SUCLG2: variants seen among roughly 807,000 people sequenced by gnomAD.
SUCLG2 encodes succinate-CoA ligase GDP-forming subunit beta.
Under a neutral mutation model 47.9 loss-of-function variants are expected in SUCLG2, and 42 were observed. The ratio of observed to expected loss-of-function variants is 0.88; its 90% CI spans 0.69 to 1.14. SUCLG2 has a LOEUF of 1.14. Among genes scored for constraint, SUCLG2 ranks in the 50% most tolerant of loss-of-function variants. SUCLG2 has a pLI of 0.00. For missense variants in SUCLG2, 571 were observed against 525.9 expected (o/e 1.09, Z -0.84); for synonymous variants, 195 against 197.3 (o/e 0.99, Z 0.10).
At chr3:67,425,959 G>C (rs1703290815) in intron 9 of SUCLG2, among the ~76,000 whole-genome samples, 2 of 152,238 alleles carry the variant, frequency 1.3e-5, no homozygotes, top group Middle Eastern at 3.4e-3. Flanking sequence ...TGTACAGTTA[G>C]AGAGGAATTC....
At chr3:67,506,014 G>A (rs557653862) in intron 7 of SUCLG2, among the ~76,000 whole-genome samples, 1 of 151,938 alleles carries the variant, frequency 6.6e-6, no homozygotes, top group Non-Finnish European at 1.5e-5. Flanking sequence ...ACAAAAAAGA[G>A]CTGGTACAAT....
At chr3:67,499,520 A>T (rs1236969312) in intron 7 of SUCLG2, among the ~76,000 whole-genome samples, 2 of 152,168 alleles carry the variant, frequency 1.3e-5, no homozygotes, top group African/African-American at 4.8e-5. Flanking sequence ...TCCTGGACCC[A>T]GCAAAACTCA....
chr3:67,510,667 CTAAA>C (rs1339228917), intron 6 of SUCLG2, among the ~76,000 whole-genome samples: 5 of 152,144 alleles, frequency 3.3e-5, no homozygotes, highest in Admixed American at 1.3e-4. Context: ...TTTTAATTGA[CTAAA>C]TAATATCTTA....
intron 4 of SUCLG2, among the ~76,000 whole-genome samples, chr3:67,527,112 T>C (rs1706275619): frequency 6.6e-6 from 1 of 151,970 alleles, no homozygotes; most frequent in East Asian, 1.9e-4. Context: ...CAAAAGAAAA[T>C]GGAACTAAAT....
intron 2 of SUCLG2, among the ~76,000 whole-genome samples, chr3:67,562,899 G>C (rs1224635866): frequency 2.0e-5 from 3 of 151,828 alleles, no homozygotes; most frequent in African/African-American, 7.3e-5. Context: ...GTGTATGTAT[G>C]TACACATATA....
chr3:67,611,150 T>G (rs1700520371), intron 1 of SUCLG2, among the ~76,000 whole-genome samples: 1 of 152,210 alleles, frequency 6.6e-6, no homozygotes, highest in Admixed American at 6.5e-5. Context: ...CATAATATAA[T>G]GTATACATGC....
intron 2 of SUCLG2, among the ~76,000 whole-genome samples, chr3:67,575,091 T>C (rs1428106141): frequency 6.6e-6 from 1 of 152,208 alleles, no homozygotes; most frequent in African/African-American, 2.4e-5. Flanking sequence ...GAAACTTTCA[T>C]GCATTGATAA....
chr3:67,597,741 C>T (rs1708325574), intron 2 of SUCLG2, among the ~76,000 whole-genome samples: 1 of 152,016 alleles, frequency 6.6e-6, no homozygotes, highest in African/African-American at 2.4e-5. Context: ...AGTTCGAGAC[C>T]AGCCTGGCCA....
At chr3:67,450,506 C>G (rs1378074076) in intron 9 of SUCLG2, among the ~76,000 whole-genome samples, 1 of 152,130 alleles carries the variant, frequency 6.6e-6, no homozygotes, top group Non-Finnish European at 1.5e-5. Context: ...TTCCCCAATA[C>G]TGTATTGTGA....
rs145897441 is a variant in SUCLG2 at position 67,496,203 on chromosome 3, A to C, written c.920-263T>G. On this transcript the variant is annotated intron_variant, in intron 8 of 10. Transcript: ENST00000307227. ...GGGAAGTTAAATCAATCTGAAAAAC[A>C]GAAAGAAGGAAAGGTTTAAGTAAGT... Among the ~76,000 whole-genome samples, 1,196 of 152,350 alleles carry C rather than the reference A, an allele frequency of 7.9e-3. 16 individuals carry two copies. The highest frequency in any genetic ancestry group is 0.027 in the African/African-American group (1,132 of 41,586).
chr3:67,551,100 AC>A (rs1190810930), intron 2 of SUCLG2, among the ~76,000 whole-genome samples: 1 of 152,132 alleles, frequency 6.6e-6, no homozygotes, highest in Non-Finnish European at 1.5e-5. Flanking sequence ...TAAAACACTC[AC>A]GTCTTGTATT....
chr3:67,400,694 AGG>A, intron 10 of SUCLG2, 35 bp downstream of exon 10: 1 of 1,602,270 alleles, frequency 6.2e-7, no homozygotes, highest in Non-Finnish European at 8.5e-7. Flanking sequence ...ACCTTGGAGA[AGG>A]GGTGCTGGCA....
chr3:67,385,089 T>A (rs9681106), intron 10 of SUCLG2, among the ~76,000 whole-genome samples: 1 of 152,080 alleles, frequency 6.6e-6, no homozygotes, highest in Non-Finnish European at 1.5e-5. Flanking sequence ...TGATGGCTCA[T>A]CAAATATGAC....
chr3:67,630,165 T>C (rs962652449), intron 1 of SUCLG2, among the ~76,000 whole-genome samples: 2 of 126,710 alleles, frequency 1.6e-5, no homozygotes, highest in Non-Finnish European at 3.4e-5. Flanking sequence ...ATAAAGCAAA[T>C]GTGAAAAAAA....
At chr3:67,410,197 C>T (rs1702903977) in intron 9 of SUCLG2, among the ~76,000 whole-genome samples, 1 of 152,150 alleles carries the variant, frequency 6.6e-6, no homozygotes, top group Admixed American at 6.6e-5. Flanking sequence ...TCCTTCTTTA[C>T]AAAGATGCTA....
At chr3:67,480,114 A>C (rs1420425217) in intron 9 of SUCLG2, among the ~76,000 whole-genome samples, 2 of 145,756 alleles carry the variant, frequency 1.4e-5, no homozygotes, top group East Asian at 4.2e-4. Flanking sequence ...ATAGGACGCA[A>C]GAGTGTGCTG....
intron 2 of SUCLG2, among the ~76,000 whole-genome samples, chr3:67,593,818 G>A (rs1182807761): frequency 5.9e-5 from 9 of 152,164 alleles, no homozygotes; most frequent in Non-Finnish European, 1.3e-4. Flanking sequence ...ATAAGATCAG[G>A]TCATTGCAGA....
At chr3:67,566,953 G>C (rs142237201) in intron 2 of SUCLG2, among the ~76,000 whole-genome samples, 15 of 152,282 alleles carry the variant, frequency 9.9e-5, no homozygotes, top group South Asian at 4.1e-4. Flanking sequence ...GGGAGGCCAA[G>C]GCAGGTGCAT....
At position 67,375,852 on chromosome 3, in the gene SUCLG2, G is replaced by A. The variant is rs200436051; in HGVS notation, c.1191C>T (p.Asn397=). The part of the protein sequence containing the change: ...VPLVVRLEGT[N]VQEAQKILNN... The stretch of plus-strand genomic sequence containing the variant: ...TGAGTATCTTCTGGGCCTCTTGGAC[G>A]TTGGTTCCTAGAAGGGGGACAGGGA... Residue 397 remains asparagine, a synonymous_variant, in exon 11 of 11, where the codon AAC becomes AAT. Transcript: ENST00000307227. 21 of 1,613,394 alleles carry A rather than the reference G, an allele frequency of 1.3e-5. No individual in the cohort carries two copies. The highest frequency in any genetic ancestry group is 5.0e-5 in the Admixed American group (3 of 59,960).
Sources: allele counts gnomAD v4.1 joint callset (sites outside exome capture counted in the v4.1 genomes callset), GRCh38; gene constraint gnomAD v4.1.1; transcripts MANE v1.5; gene names NCBI Gene and HGNC (gene_info 2026-07-23, HGNC 2026-07-21).